The following LPAR2 variants were observed in gnomAD, a reference collection of about 807,000 sequenced individuals.
LPAR2 encodes lysophosphatidic acid receptor 2.
In LPAR2, 10 loss-of-function variants were observed where a neutral mutation model predicts 15.6. The observed-to-expected ratio is 0.64, with a 90% confidence interval of 0.39 to 1.09. The LOEUF (loss-of-function observed/expected upper bound fraction) is 1.09. Among genes scored for constraint, LPAR2 ranks in the 50% least tolerant of loss-of-function variants. The pLI is 0.01. For missense variants in LPAR2, 413 were observed against 484.6 expected (o/e 0.85, Z 1.39); for synonymous variants, 204 against 207.4 (o/e 0.98, Z 0.14).
chr19:19,623,729 T>C lies in LPAR2; in HGVS notation c.*527A>G, dbSNP rs987272493. The C allele has an allele frequency of 3.2e-5, 5 of 155,446 alleles. No individual in the cohort carries two copies. The highest frequency in any genetic ancestry group is 7.1e-5 in the Non-Finnish European group (5 of 70,018). The allele number at this position is 155,446 out of a possible 1,614,324, so 9.6% of individuals were successfully genotyped here. A position where few individuals can be genotyped will look rare whatever the true frequency, so the allele number is the denominator to read the frequency against. Reference sequence around the variant, plus strand: ...CTCCCCGTGGACTGCTTCAATTCTATCGGGGACAGGCCAGTCCCTGGAGGC... The same window carrying C: ...CTCCCCGTGGACTGCTTCAATTCTACCGGGGACAGGCCAGTCCCTGGAGGC... On this transcript the variant is annotated 3_prime_UTR_variant, in exon 3 of 3. Coordinates refer to ENST00000407877, the MANE Select transcript of LPAR2 (RefSeq NM_004720.7).
In LPAR2 at chr19:19,627,349, G is replaced by GC; in HGVS notation, c.1-66dup. Reference sequence around the variant, plus strand: ...AAGGACACAGGGAGGGGCGGCAGCTGCAGAGGAGGGTCAGCGCAGGAAGGA... The same window carrying GC: ...AAGGACACAGGGAGGGGCGGCAGCTGCCAGAGGAGGGTCAGCGCAGGAAGGA... On this transcript the variant is annotated intron_variant, in intron 1 of 2. Coordinates refer to ENST00000407877, the MANE Select transcript of LPAR2 (RefSeq NM_004720.7). The surrounding 1 kb of genome is among the most constrained non-coding windows in gnomAD (Gnocchi z 4.7). 1 of 1,497,350 alleles carries GC rather than the reference G, an allele frequency of 6.7e-7. No homozygotes were observed. Among genetic ancestry groups the GC allele is most frequent in the Non-Finnish European group, 9.1e-7 (1 of 1,104,610 alleles). 92.8% of individuals were successfully genotyped at this position (1,497,350 alleles called of 1,614,324 possible). A position where few individuals can be genotyped will look rare whatever the true frequency, so the allele number is the denominator to read the frequency against.
In LPAR2 at chr19:19,627,053, C is replaced by T; in HGVS notation, c.232G>A (p.Asp78Asn). ...AGGTAGGCCACGCCCGCGAAGAGGT[C>T]AGCCGCGGCCAGATTGCCGAGCAGG... is the stretch of plus-strand genomic sequence containing the variant. The change falls in exon 2 of 3, where the codon GAC (aspartate) becomes AAC (asparagine). Residue 78 changes from aspartate to asparagine, a missense_variant. Transcript: ENST00000407877. This position sits in a 1 kb window ranked among gnomAD's most constrained non-coding sequence, Gnocchi z 4.7. 1 of 1,613,636 alleles carries T rather than the reference C, an allele frequency of 6.2e-7. No individual in the cohort carries two copies.
Position 19,626,725 on chromosome 19 carries a change from C to T in LPAR2, c.560G>A (p.Arg187His), listed in dbSNP as rs1304354101. The T allele has an allele frequency of 1.9e-6, 3 of 1,613,540 alleles. No individual in the cohort carries two copies. Among genetic ancestry groups the T allele is most frequent in the Admixed American group, 1.7e-5 (1 of 60,022 alleles). ...CAGAGCCCAGACGGCCAAATAGGAG[C>T]GGCTGAGCAGGGGTGCCATGCGTGA... Residue 187 changes from arginine to histidine, a missense_variant, in exon 2 of 3, where the codon CGC (arginine) becomes CAC (histidine). Coordinates refer to ENST00000407877, the MANE Select transcript of LPAR2 (RefSeq NM_004720.7). This position sits in a 1 kb window ranked among gnomAD's most constrained non-coding sequence, Gnocchi z 5.3.
chr19:19,626,428 T>C lies in LPAR2; in HGVS notation c.742+115A>G. The C allele has an allele frequency of 7.5e-7, 1 of 1,328,126 alleles. No individual in the cohort carries two copies. Among genetic ancestry groups the C allele is most frequent in the Non-Finnish European group, 1.0e-6 (1 of 963,636 alleles). The allele number at this position is 1,328,126 out of a possible 1,614,324, so 82.3% of individuals were successfully genotyped here. A position where few individuals can be genotyped will look rare whatever the true frequency, so the allele number is the denominator to read the frequency against. On this transcript the variant is annotated intron_variant, in intron 2 of 2. Coordinates refer to ENST00000407877, the MANE Select transcript of LPAR2 (RefSeq NM_004720.7). This position sits in a 1 kb window ranked among gnomAD's most constrained non-coding sequence, Gnocchi z 5.3. ...ACCTCCTTGGAGGACATTCCCCACC[T>C]AAATCATCCCCCATCACCCTCTATC...
At position 19,626,954 on chromosome 19, in the gene LPAR2, G is replaced by A; in HGVS notation, c.331C>T (p.Leu111=). The A allele has an allele frequency of 2.5e-6, 4 of 1,609,510 alleles. No homozygotes were observed. The highest frequency in any genetic ancestry group is 3.4e-6 in the Non-Finnish European group (4 of 1,178,470). The change falls in exon 2 of 3, where the codon CTG becomes TTG. Residue 111 remains leucine (L), a synonymous_variant. Coordinates refer to ENST00000407877, the MANE Select transcript of LPAR2 (RefSeq NM_004720.7). This position sits in a 1 kb window ranked among gnomAD's most constrained non-coding sequence, Gnocchi z 5.3. Reference sequence around the variant, plus strand: ...ACCGACGCAGTGAGGCTTGTGTCCAGCAAGCCCTGCCGCAGGAACCAGCCC... The same window carrying A: ...ACCGACGCAGTGAGGCTTGTGTCCAACAAGCCCTGCCGCAGGAACCAGCCC...
rs751108493 is a variant in LPAR2 at position 19,624,239 on chromosome 19, G to A, written c.*17C>T. The A allele has an allele frequency of 2.5e-6, 4 of 1,589,812 alleles. No individual in the cohort carries two copies. The highest frequency in any genetic ancestry group is 2.3e-5 in the East Asian group (1 of 44,442). On this transcript the variant is annotated 3_prime_UTR_variant, in exon 3 of 3. Transcript: ENST00000407877. ...GTGGATTTGTTGCTTGCCGCGTACC[G>A]CTGAAGTTCAAGGTAGCTAAAGGGT...
In LPAR2 at chr19:19,626,638, C is replaced by G; in HGVS notation, c.647G>C (p.Arg216Pro). 6.2e-7 allele frequency: 1 copy of G among 1,613,358 alleles called. No homozygotes were observed. The highest frequency in any genetic ancestry group is 1.7e-4 in the Middle Eastern group (1 of 6,060). ...CTCTGCCATGCGCTGCACTCGCCGC[C>G]GCACGTAGAAGAAAATGCGGGTGTA... The change falls in exon 2 of 3, where the codon CGG (arginine) becomes CCG (proline). Residue 216 changes from arginine (R) to proline (P), a missense_variant. Coordinates refer to ENST00000407877, the MANE Select transcript of LPAR2 (RefSeq NM_004720.7). This position sits in a 1 kb window ranked among gnomAD's most constrained non-coding sequence, Gnocchi z 5.3.
rs763740992 is a variant in LPAR2 at position 19,624,322 on chromosome 19, C to G, written c.990G>C (p.Gln330His). 3.1e-6 allele frequency: 5 copies of G among 1,614,134 alleles called. No individual in the cohort carries two copies. Among genetic ancestry groups the G allele is most frequent in the South Asian group, 2.2e-5 (2 of 91,072 alleles). Reference sequence around the variant, plus strand: ...GCATGATGCGAGTGCTGGCACCTCCCTGGGCAGAGGATGTATAGTGGACAG... The same window carrying G: ...GCATGATGCGAGTGCTGGCACCTCCGTGGGCAGAGGATGTATAGTGGACAG... Residue 330 changes from glutamine (Q) to histidine (H), a missense_variant, in exon 3 of 3, where the codon CAG becomes CAC. Gln to His is a conservative substitution (Grantham distance 24). Coordinates refer to ENST00000407877, the MANE Select transcript of LPAR2 (RefSeq NM_004720.7).
Position 19,626,543 on chromosome 19 carries a change from C to A in LPAR2, c.742G>T (p.Gly248Trp). 1 of 1,593,388 alleles carries A rather than the reference C, an allele frequency of 6.3e-7. No homozygotes were observed. Among genetic ancestry groups the A allele is most frequent in the African/African-American group, 1.3e-5 (1 of 74,628 alleles). Residue 248 changes from glycine (G) to tryptophan (W), a missense_variant and splice_region_variant, in exon 2 of 3, where the codon GGG becomes TGG. Physicochemically the swap from Gly to Trp is radical, Grantham distance 184. Coordinates refer to ENST00000407877, the MANE Select transcript of LPAR2 (RefSeq NM_004720.7). The surrounding 1 kb of genome is among the most constrained non-coding windows in gnomAD (Gnocchi z 5.3). ...GTTGCCCCCTGGGGGCCCCACTTAC[C>A]CAGGATGATGACAACAGTCTTGACC... is the stretch of plus-strand genomic sequence containing the variant.
rs1408121123 is a variant in LPAR2 at position 19,624,498 on chromosome 19, T to C, written c.814A>G (p.Asn272Asp). The change falls in exon 3 of 3, where the codon AAT (asparagine) becomes GAT (aspartate). Residue 272 changes from asparagine (N) to aspartate (D), a missense_variant. Transcript: ENST00000407877. ...AAGTACTTTTCTACAGCCAGGACAT[T>C]GCAGGACTCACAGCCTAAACCATCC... 6.2e-7 allele frequency: 1 copy of C among 1,614,050 alleles called. No individual in the cohort carries two copies. Among genetic ancestry groups the C allele is most frequent in the Non-Finnish European group, 8.5e-7 (1 of 1,180,026 alleles).
intron 2 of LPAR2, among the ~76,000 whole-genome samples, chr19:19,625,951 T>G (rs1160363819): frequency 5.5e-5 from 8 of 145,382 alleles, no homozygotes; most frequent in African/African-American, 2.0e-4. Context: ...TGGTGTGATC[T>G]CGGCTCACCA....
At position 19,627,061 on chromosome 19, in the gene LPAR2, G is replaced by A; in HGVS notation, c.224C>T (p.Ala75Val). 6.2e-7 allele frequency: 1 copy of A among 1,613,674 alleles called. No individual in the cohort carries two copies. Among genetic ancestry groups the A allele is most frequent in the Non-Finnish European group, 8.5e-7 (1 of 1,179,946 alleles). Residue 75 changes from alanine (A) to valine (V), a missense_variant, in exon 2 of 3, where the codon GCC becomes GTC. Transcript: ENST00000407877. This position sits in a 1 kb window ranked among gnomAD's most constrained non-coding sequence, Gnocchi z 4.7. ...CACGCCCGCGAAGAGGTCAGCCGCG[G>A]CCAGATTGCCGAGCAGGTAGTAGAT...
chr19:19,627,035 C>A lies in LPAR2; in HGVS notation c.250G>T (p.Ala84Ser). ...GTGTGGAACATGAGGAAGAGGTAGG[C>A]CACGCCCGCGAAGAGGTCAGCCGCG... Residue 84 changes from alanine to serine, a missense_variant, in exon 2 of 3, where the codon GCC (alanine) becomes TCC (serine). Coordinates refer to ENST00000407877, the MANE Select transcript of LPAR2 (RefSeq NM_004720.7). This position sits in a 1 kb window ranked among gnomAD's most constrained non-coding sequence, Gnocchi z 4.7. 1 of 1,613,746 alleles carries A rather than the reference C, an allele frequency of 6.2e-7. No individual in the cohort carries two copies. Among genetic ancestry groups the A allele is most frequent in the South Asian group, 1.1e-5 (1 of 91,056 alleles).
rs1430165995 is a variant in LPAR2, at chr19:19,626,339, CCTCTGCCTGGAAGGCT to C, written c.742+188_742+203del. Among the ~76,000 whole-genome samples the C allele has an allele frequency of 1.4e-4, 22 of 152,360 alleles. No individual in the cohort carries two copies. Among genetic ancestry groups the C allele is most frequent in the African/African-American group, 5.0e-4 (21 of 41,586 alleles). ...GCCTTGAGGTTTTTACTTTCCGTTT[CCTCTGCCTGGAAGGCT>C]CTCTGTTCCTATCCTCAGCATTCAG... On this transcript the variant is annotated intron_variant, in intron 2 of 2. Transcript: ENST00000407877. This position sits in a 1 kb window ranked among gnomAD's most constrained non-coding sequence, Gnocchi z 5.3.
chr19:19,624,347 G>A lies in LPAR2; in HGVS notation c.965C>T (p.Ser322Phe). Residue 322 changes from serine to phenylalanine, a missense_variant, in exon 3 of 3, where the codon TCT (serine) becomes TTT (phenylalanine). Coordinates refer to ENST00000407877, the MANE Select transcript of LPAR2 (RefSeq NM_004720.7). ...CTGGGCAGAGGATGTATAGTGGACA[G>A]ACTCGCGGGTGGACTGGCGGAGGCA... 3 of 1,614,258 alleles carry A rather than the reference G, an allele frequency of 1.9e-6. No individual in the cohort carries two copies.
Position 19,628,194 on chromosome 19 carries a change from G to C in LPAR2, c.-103C>G, listed in dbSNP as rs1003959922. The C allele has an allele frequency of 2.0e-5, 3 of 152,062 alleles. No homozygotes were observed. The highest frequency in any genetic ancestry group is 6.6e-5 in the Admixed American group (1 of 15,264). The allele number at this position is 152,062 out of a possible 1,614,324, so 9.4% of individuals were successfully genotyped here. A position where few individuals can be genotyped will look rare whatever the true frequency, so the allele number is the denominator to read the frequency against. On this transcript the variant is annotated 5_prime_UTR_variant, in exon 1 of 3. Coordinates refer to ENST00000407877, the MANE Select transcript of LPAR2 (RefSeq NM_004720.7). ...TGCGGCGGGAGCGGTAGAGCGTCCG[G>C]GTGCGCCCTGTGCGGGTTGCTGAGA...
Position 19,627,358 on chromosome 19 carries a change from G to A in LPAR2, c.1-74C>T, listed in dbSNP as rs963504626. 2.1e-6 allele frequency: 3 copies of A among 1,441,908 alleles called. No individual in the cohort carries two copies. Among genetic ancestry groups the A allele is most frequent in the Non-Finnish European group, 2.8e-6 (3 of 1,056,890 alleles). 89.3% of individuals were successfully genotyped at this position (1,441,908 alleles called of 1,614,324 possible). A position where few individuals can be genotyped will look rare whatever the true frequency, so the allele number is the denominator to read the frequency against. On this transcript the variant is annotated intron_variant, in intron 1 of 2. Coordinates refer to ENST00000407877, the MANE Select transcript of LPAR2 (RefSeq NM_004720.7). The surrounding 1 kb of genome is among the most constrained non-coding windows in gnomAD (Gnocchi z 4.7). ...GGGAGGGGCGGCAGCTGCAGAGGAG[G>A]GTCAGCGCAGGAAGGACAAGGGTCT...
At position 19,624,433 on chromosome 19, in the gene LPAR2, A is replaced by G. The variant is rs781167525; in HGVS notation, c.879T>C (p.Ala293=). 6.2e-7 allele frequency: 1 copy of G among 1,614,192 alleles called. No individual in the cohort carries two copies. Among genetic ancestry groups the G allele is most frequent in the Non-Finnish European group, 8.5e-7 (1 of 1,180,030 alleles). The change falls in exon 3 of 3, where the codon GCT becomes GCC. Residue 293 remains alanine, a synonymous_variant. Coordinates refer to ENST00000407877, the MANE Select transcript of LPAR2 (RefSeq NM_004720.7). ...TCTCAGCATCTCGGCAAGAGTACACAGCAGCATTGACCAGGGAGTTGGCCT... is the reference window on the plus strand; with the variant it reads ...TCTCAGCATCTCGGCAAGAGTACACGGCAGCATTGACCAGGGAGTTGGCCT...
In LPAR2 at chr19:19,627,294, C is replaced by A. The variant is rs2061747464; in HGVS notation, c.1-10G>T. ...GGCCCATGATGACCATCTGGGGACACAAGAGATCAGTGCATGTGGCACTTC... is the reference window on the plus strand; with the variant it reads ...GGCCCATGATGACCATCTGGGGACAAAAGAGATCAGTGCATGTGGCACTTC... On this transcript the variant is annotated splice_polypyrimidine_tract_variant and intron_variant, in intron 1 of 2. Transcript: ENST00000407877. The surrounding 1 kb of genome is among the most constrained non-coding windows in gnomAD (Gnocchi z 4.7). 2 of 1,594,562 alleles carry A rather than the reference C, an allele frequency of 1.3e-6. No individual in the cohort carries two copies. Among genetic ancestry groups the A allele is most frequent in the Non-Finnish European group, 1.7e-6 (2 of 1,176,278 alleles).
Sources: allele counts gnomAD v4.1 joint callset (sites outside exome capture counted in the v4.1 genomes callset), GRCh38; gene constraint gnomAD v4.1.1; non-coding constraint Gnocchi (gnomAD v3.1); transcripts MANE v1.5; gene names NCBI Gene and HGNC (gene_info 2026-07-23, HGNC 2026-07-21).